CHADL: variants seen among roughly 807,000 people sequenced by gnomAD.
CHADL encodes chondroadherin like, also known as chondroadherin-like protein.
CHADL carries 48 observed loss-of-function variants against 52.1 expected under a neutral mutation model. That is an observed-to-expected ratio of 0.92 (90% CI 0.73 to 1.17). The LOEUF is 1.17. CHADL is among the 50% of genes most tolerant of loss of function. The pLI, the probability that CHADL is intolerant of heterozygous loss-of-function variation, is 0.00. For synonymous variants in CHADL, 498 were observed against 511.2 expected (o/e 0.97, Z 0.35); for missense variants, 977 against 1,035.1 (o/e 0.94, Z 0.77).
chr22:41,235,159 A>C lies in CHADL; in HGVS notation c.2248T>G (p.Cys750Gly), dbSNP rs777988362. ...CCATGGCCAACCTTATCTGCTCCACACTGTCTTCCTTTGATGGGGGTTCTC... is the reference window on the plus strand; with the variant it reads ...CCATGGCCAACCTTATCTGCTCCACCCTGTCTTCCTTTGATGGGGGTTCTC... ...ARRTPIKGRQ[C>G]GADKVGKEKG... The change falls in exon 5 of 6, where the codon TGT becomes GGT. Residue 750 changes from cysteine to glycine, a missense_variant. Transcript: ENST00000216241. The C allele has an allele frequency of 3.9e-6, 6 of 1,551,260 alleles. No individual in the cohort carries two copies. Among genetic ancestry groups the C allele is most frequent in the Non-Finnish European group, 4.4e-6 (5 of 1,146,974 alleles).
rs1232755007 is a variant in CHADL at position 41,238,424 on chromosome 22, G to C, written c.648C>G (p.Asn216Lys). 3.9e-6 allele frequency: 6 copies of C among 1,522,840 alleles called. No homozygotes were observed. The highest frequency in any genetic ancestry group is 5.3e-6 in the Non-Finnish European group (6 of 1,138,044). The allele number at this position is 1,522,840 out of a possible 1,614,324, so 94.3% of individuals were successfully genotyped here. Reference sequence around the variant, plus strand: ...CAGGCCCGGGCAGAGCCTGGAGCTCGTTGTGGTGTAGGCTGAGCCGTCTCA... The same window carrying C: ...CAGGCCCGGGCAGAGCCTGGAGCTCCTTGTGGTGTAGGCTGAGCCGTCTCA... ...PALRRLSLHH[N>K]ELQALPGPVL... is the part of the protein sequence containing the mutation. Residue 216 changes from asparagine (N) to lysine (K), a missense_variant, in exon 3 of 6, where the codon AAC becomes AAG. Physicochemically the swap from Asn to Lys is moderately conservative, Grantham distance 94. Transcript: ENST00000216241. This position sits in a 1 kb window ranked among gnomAD's most constrained non-coding sequence, Gnocchi z 4.9.
At position 41,235,278 on chromosome 22, in the gene CHADL, T is replaced by C. The variant is rs9619955; in HGVS notation, c.2129A>G (p.Gln710Arg). 0.017 allele frequency: 25,789 copies of C among 1,551,260 alleles called. 1,992 individuals are homozygous for C. The African/African-American group carries it at 0.21, about 12-fold the overall frequency. ...TCATPPNARG[Q>R]RVKAAAAVFE... ...GACAGCAGCTGCAGCCTTCACCCTC[T>C]GGCCACGGGCATTGGGAGGGGTGGC... is the stretch of plus-strand genomic sequence containing the variant. Residue 710 changes from glutamine to arginine, a missense_variant, in exon 5 of 6, where the codon CAG becomes CGG. By Grantham distance (43) the Gln-to-Arg change is conservative (BLOSUM62 1). Coordinates refer to ENST00000216241, the MANE Select transcript of CHADL (RefSeq NM_138481.2).
At chr22:41,240,764 C>T in intron 1 of CHADL, 110 bp downstream of exon 1, 1 of 1,357,840 alleles carries the variant, frequency 7.4e-7, no homozygotes. Context: ...CAGGAAGTCC[C>T]CAGAGCCCCT....
Position 41,235,314 on chromosome 22 carries a change from C to A in CHADL, c.2093G>T (p.Gly698Val). 2 of 1,550,956 alleles carry A rather than the reference C, an allele frequency of 1.3e-6. No homozygotes were observed. The highest frequency in any genetic ancestry group is 1.7e-6 in the Non-Finnish European group (2 of 1,146,984). Residue 698 changes from glycine (G) to valine (V), a missense_variant, in exon 5 of 6, where the codon GGG becomes GTG. By Grantham distance (109) the Gly-to-Val change is moderately radical. Coordinates refer to ENST00000216241, the MANE Select transcript of CHADL (RefSeq NM_138481.2). ...ATTGGGAGGGGTGGCGCAGGTGGCCCCCACCCGCAGGTTCAGCCCAGTAAG... is the reference window on the plus strand; with the variant it reads ...ATTGGGAGGGGTGGCGCAGGTGGCCACCACCCGCAGGTTCAGCCCAGTAAG... ...RWLTGLNLRV[G>V]ATCATPPNAR... is the part of the protein sequence containing the mutation.
At chr22:41,239,849 G>A (rs564877116) in intron 1 of CHADL, among the ~76,000 whole-genome samples, 1 of 152,198 alleles carries the variant, frequency 6.6e-6, no homozygotes, top group Admixed American at 6.5e-5. Context: ...GCTCAGAAAA[G>A]TGACCTGGTT....
rs2032787536 is a variant in CHADL, at chr22:41,238,250, G to A, written c.822C>T (p.Phe274=). 2 of 1,530,780 alleles carry A rather than the reference G, an allele frequency of 1.3e-6. No individual in the cohort carries two copies. Among genetic ancestry groups the A allele is most frequent in the South Asian group, 1.2e-5 (1 of 83,740 alleles). The allele number at this position is 1,530,780 out of a possible 1,614,324, so 94.8% of individuals were successfully genotyped here. Residue 274 remains phenylalanine (F), a synonymous_variant, in exon 3 of 6, where the codon TTC becomes TTT. Coordinates refer to ENST00000216241, the MANE Select transcript of CHADL (RefSeq NM_138481.2). The surrounding 1 kb of genome is among the most constrained non-coding windows in gnomAD (Gnocchi z 4.9). ...GGGTGTGCAGGCGCGGACAGTGTGC[G>A]AAGGCCCTGGGACCCAGGGCCTGCA... is the stretch of plus-strand genomic sequence containing the variant. ...GALQALGPRA[F]AHCPRLHTLD... is the part of the protein sequence containing the mutation.
rs1169941907 is a variant in CHADL at position 41,237,646 on chromosome 22, T to G, written c.1426A>C (p.Ile476Leu). The G allele has an allele frequency of 1.9e-6, 3 of 1,548,640 alleles. No homozygotes were observed. The Admixed American group carries it at 5.9e-5, about 30-fold the overall frequency. ...AGALAGLGRL[I>L]YLYLSDNQLA... ...TGGTTGTCGGAGAGGTACAGGTAGA[T>G]CAGGCGGCCCAGCCCGGCCAGGGCG... Residue 476 changes from isoleucine (I) to leucine (L), a missense_variant, in exon 3 of 6, where the codon ATC becomes CTC. Physicochemically the swap from Ile to Leu is conservative, Grantham distance 5. Coordinates refer to ENST00000216241, the MANE Select transcript of CHADL (RefSeq NM_138481.2).
rs1460037399 is a variant in CHADL at position 41,240,901 on chromosome 22, C to A, written c.-20G>T. On this transcript the variant is annotated 5_prime_UTR_variant, in exon 1 of 6. Transcript: ENST00000216241. ...CTCCATGCCGCCTGGAACTGCTGGT[C>A]CAGCCTGGAGGCGCAGCGCAGGGAC... is the stretch of plus-strand genomic sequence containing the variant. 3 of 1,549,068 alleles carry A rather than the reference C, an allele frequency of 1.9e-6. No homozygotes were observed. The highest frequency in any genetic ancestry group is 2.6e-6 in the Non-Finnish European group (3 of 1,146,618).
At chr22:41,230,524 A>G in intron 5 of CHADL, 1 of 441,690 alleles carries the variant, frequency 2.3e-6, no homozygotes, top group Non-Finnish European at 4.1e-6. Flanking sequence ...GAGTTCCCAA[A>G]GCTGGAACGC....
intron 4 of CHADL, among the ~76,000 whole-genome samples, chr22:41,236,025 C>A (rs1278841844): frequency 3.3e-5 from 5 of 152,186 alleles, no homozygotes; most frequent in African/African-American, 1.2e-4. Flanking sequence ...GCACCCACTA[C>A]CACGCCCAGC....
Position 41,237,574 on chromosome 22 carries a change from C to T in CHADL, c.1498G>A (p.Gly500Ser). Residue 500 changes from glycine to serine, a missense_variant, in exon 3 of 6, where the codon GGC becomes AGC. By Grantham distance (56) the Gly-to-Ser change is moderately conservative. Coordinates refer to ENST00000216241, the MANE Select transcript of CHADL (RefSeq NM_138481.2). ...CGGTTGCGTTCTAGGTACAGGTAGC[C>T]GAGGCGGGGAGCCCCTTCAAGGGCA... ...AAALEGAPRL[G>S]YLYLERNRFL... is the part of the protein sequence containing the mutation. 6.4e-7 allele frequency: 1 copy of T among 1,550,470 alleles called. No homozygotes were observed. The highest frequency in any genetic ancestry group is 8.7e-7 in the Non-Finnish European group (1 of 1,146,900).
chr22:41,236,450 G>A, intron 4 of CHADL, 34 bp downstream of exon 4: 3 of 1,538,614 alleles, frequency 1.9e-6, no homozygotes, highest in Non-Finnish European at 2.6e-6. Flanking sequence ...TGGCTGGGTG[G>A]TCTTTGGCTG....
chr22:41,235,369 C>T (rs913570694), intron 4 of CHADL, 26 bp from the exon 5 acceptor site: 3 of 1,541,284 alleles, frequency 1.9e-6, no homozygotes, highest in African/African-American at 2.7e-5. Flanking sequence ...AGCTGGGGAG[C>T]TAGCTGTGCT....
rs2032770218 is a variant in CHADL, at chr22:41,237,685, C to T, written c.1387G>A (p.Glu463Lys). ...SLHLQHCGIA[E>K]LEAGALAGLG... ...CCGGCCAGGGCGCCCGCTTCCAGCTCCGCGATGCCGCAGTGCTGCAGGTGC... is the reference window on the plus strand; with the variant it reads ...CCGGCCAGGGCGCCCGCTTCCAGCTTCGCGATGCCGCAGTGCTGCAGGTGC... Residue 463 changes from glutamate to lysine, a missense_variant, in exon 3 of 6, where the codon GAG becomes AAG. Coordinates refer to ENST00000216241, the MANE Select transcript of CHADL (RefSeq NM_138481.2). 1 of 1,542,242 alleles carries T rather than the reference C, an allele frequency of 6.5e-7. No homozygotes were observed. Among genetic ancestry groups the T allele is most frequent in the Admixed American group, 2.0e-5 (1 of 50,234 alleles).
chr22:41,229,788 C>T, intron 5 of CHADL, 58 bp from the exon 6 acceptor site: 1 of 1,451,906 alleles, frequency 6.9e-7, no homozygotes, highest in Non-Finnish European at 9.5e-7. Flanking sequence ...CCAAGCAGTC[C>T]TGTACCACTG....
In CHADL at chr22:41,237,706, G is replaced by C; in HGVS notation, c.1366C>G (p.Leu456Val). Residue 456 changes from leucine (L) to valine (V), a missense_variant, in exon 3 of 6, where the codon CTG becomes GTG. Leu to Val is a conservative substitution (Grantham distance 32, BLOSUM62 1). Coordinates refer to ENST00000216241, the MANE Select transcript of CHADL (RefSeq NM_138481.2). Reference protein sequence around the residue: ...PGLGHLVSLHLQHCGIAELEA... With the variant: ...PGLGHLVSLHVQHCGIAELEA... ...AGCTCCGCGATGCCGCAGTGCTGCA[G>C]GTGCAGCGACACCAGGTGGCCCAGG... 1 of 1,541,964 alleles carries C rather than the reference G, an allele frequency of 6.5e-7. No homozygotes were observed. Among genetic ancestry groups the C allele is most frequent in the Non-Finnish European group, 8.8e-7 (1 of 1,142,696 alleles).
chr22:41,240,734 A>AC (rs2032847307), intron 1 of CHADL, 140 bp downstream of exon 1: 2 of 957,308 alleles, frequency 2.1e-6, no homozygotes, highest in Non-Finnish European at 3.1e-6. Context: ...ACCTTGGGAG[A>AC]CCCCCTTCCT....
At chr22:41,230,227 C>T (rs903829514) in intron 5 of CHADL, 1 of 1,613,172 alleles carries the variant, frequency 6.2e-7, no homozygotes, top group African/African-American at 1.3e-5. Context: ...CCGTCGAGAA[C>T]ATCAAGCAGG....
intron 5 of CHADL, chr22:41,230,369 C>A: frequency 1.3e-6 from 1 of 765,566 alleles, no homozygotes. Flanking sequence ...GTAAATTCTG[C>A]CCGGTGCTGT....
Sources: gnomAD v4.1 joint callset for allele counts (sites outside exome capture counted in the v4.1 genomes callset) on GRCh38, gnomAD v4.1.1 for gene constraint, Gnocchi (gnomAD v3.1) non-coding constraint, MANE v1.5 for transcripts, NCBI Gene and HGNC (gene_info 2026-07-23, HGNC 2026-07-21) for gene names.